DTWD2: variants seen among roughly 807,000 people sequenced by gnomAD.
DTWD2 encodes tRNA-uridine aminocarboxypropyltransferase 2.
A neutral mutation model predicts 31.8 loss-of-function variants in DTWD2; 39 were observed. That is an observed-to-expected ratio of 1.22 (90% CI 0.95 to 1.60). DTWD2 has a LOEUF of 1.60. Ranked by LOEUF, DTWD2 falls within the 40% of genes most tolerant of loss-of-function variation. The pLI, the probability that DTWD2 is intolerant of heterozygous loss-of-function variation, is 0.00. For missense variants in DTWD2, 515 were observed against 381.5 expected (o/e 1.35, Z -2.92); for synonymous variants, 180 against 142.8 (o/e 1.26, Z -1.86).
chr5:118,843,252 G>A (rs1421562504), intron 5 of DTWD2, among the ~76,000 whole-genome samples: 2 of 151,510 alleles, frequency 1.3e-5, no homozygotes, highest in Non-Finnish European at 2.9e-5. Flanking sequence ...ACCGCATCCG[G>A]CCCAGAATAG....
chr5:118,967,871 T>C (rs889445600), intron 1 of DTWD2, among the ~76,000 whole-genome samples: 1 of 152,134 alleles, frequency 6.6e-6, no homozygotes, highest in African/African-American at 2.4e-5. Flanking sequence ...GCAGAAACAG[T>C]ATATTTGCAA....
chr5:118,939,247 A>G lies in DTWD2; in HGVS notation c.353T>C (p.Leu118Pro). ...LRTVPLLAAC[L>P]PQDKCKVKIG... is the part of the protein sequence containing the mutation. ...CTTCACTTTACACTTGTCCTGGGGG[A>G]GGCATGCTGCTAGTAGAGGAACTGT... is the stretch of plus-strand genomic sequence containing the variant. Residue 118 changes from leucine to proline, a missense_variant, in exon 3 of 6, where the codon CTC becomes CCC. Transcript: ENST00000510708. The G allele has an allele frequency of 1.2e-6, 2 of 1,601,034 alleles. No individual in the cohort carries two copies. Among genetic ancestry groups the G allele is most frequent in the Non-Finnish European group, 1.7e-6 (2 of 1,173,280 alleles).
chr5:118,933,089 A>G (rs1753962935), intron 3 of DTWD2, among the ~76,000 whole-genome samples: 1 of 152,196 alleles, frequency 6.6e-6, no homozygotes, highest in Admixed American at 6.5e-5. Context: ...AATTCCTTGA[A>G]AAACAAACTA....
rs149463524 is a variant in DTWD2 at position 118,836,475 on chromosome 5, G to C, written c.*4442C>G. On this transcript the variant is annotated 3_prime_UTR_variant, in exon 6 of 6. Transcript: ENST00000510708. ...GCTGGTCTTGAACTCCTGACCTCGTGATCTACCCACCTCGGCCTCCCAAAG... is the reference window on the plus strand; with the variant it reads ...GCTGGTCTTGAACTCCTGACCTCGTCATCTACCCACCTCGGCCTCCCAAAG... 4.2e-3 allele frequency among the ~76,000 whole-genome samples: 643 copies of C among 152,220 alleles called. 8 individuals carry two copies. Among genetic ancestry groups the C allele is most frequent in the East Asian group, 0.029 (150 of 5,176 alleles).
intron 1 of DTWD2, among the ~76,000 whole-genome samples, chr5:118,966,218 C>T (rs1275233261): frequency 6.6e-6 from 1 of 152,172 alleles, no homozygotes; most frequent in Non-Finnish European, 1.5e-5. Context: ...TGGGATTTGG[C>T]CGTTTATCAT....
chr5:118,876,369 G>C (rs1427774690), intron 4 of DTWD2, among the ~76,000 whole-genome samples: 2 of 151,882 alleles, frequency 1.3e-5, no homozygotes, highest in African/African-American at 4.8e-5. Context: ...GCTGAAGGAG[G>C]CTAAGACATG....
In DTWD2 at chr5:118,942,160, G is replaced by C. The variant is rs186455873; in HGVS notation, c.309+2399C>G. On this transcript the variant is annotated intron_variant, in intron 2 of 5. Transcript: ENST00000510708. ...ATCCTTTTATTGGAAATGGTGTGCT[G>C]AAGTTAAGCACAGGCAGCCCAGTAT... Among the ~76,000 whole-genome samples the C allele has an allele frequency of 3.9e-5, 6 of 152,272 alleles. No individual in the cohort carries two copies. The East Asian group carries it at 9.6e-4, about 24-fold the overall frequency.
intron 3 of DTWD2, among the ~76,000 whole-genome samples, chr5:118,933,293 G>A (rs1018535183): frequency 3.3e-5 from 5 of 152,100 alleles, no homozygotes; most frequent in African/African-American, 1.2e-4. Context: ...AAAACAGACA[G>A]AACATTGCCT....
intron 1 of DTWD2, among the ~76,000 whole-genome samples, chr5:118,980,331 T>C (rs1755272925): frequency 6.6e-6 from 1 of 152,138 alleles, no homozygotes; most frequent in South Asian, 2.1e-4. Flanking sequence ...CTGTAGAGCT[T>C]GGAGTGGGAG....
intron 4 of DTWD2, among the ~76,000 whole-genome samples, chr5:118,871,412 T>C (rs182532131): frequency 9.9e-5 from 15 of 152,280 alleles, no homozygotes; most frequent in African/African-American, 3.4e-4. Flanking sequence ...TTTTTCCAGA[T>C]CCATCAGAGG....
At chr5:118,986,317 T>C (rs1392517913) in intron 1 of DTWD2, among the ~76,000 whole-genome samples, 9 of 152,202 alleles carry the variant, frequency 5.9e-5, no homozygotes, top group Non-Finnish European at 1.2e-4. Context: ...TTATAGAATC[T>C]ATATCTTGCA....
intron 4 of DTWD2, among the ~76,000 whole-genome samples, chr5:118,916,501 A>C (rs935403864): frequency 1.3e-5 from 2 of 152,060 alleles, no homozygotes; most frequent in Non-Finnish European, 2.9e-5. Context: ...CCCCATCTCT[A>C]ATAAAAATAC....
chr5:118,852,341 T>C (rs567559593), intron 4 of DTWD2, among the ~76,000 whole-genome samples: 42 of 152,224 alleles, frequency 2.8e-4, no homozygotes, highest in South Asian at 2.5e-3. Context: ...CCTCAGCTTA[T>C]GAAGATAAGA....
intron 4 of DTWD2, among the ~76,000 whole-genome samples, chr5:118,870,931 A>G (rs1176173423): frequency 1.3e-5 from 2 of 149,220 alleles, no homozygotes; most frequent in Admixed American, 6.7e-5. Flanking sequence ...TTATATAATA[A>G]CTTATATAAT....
intron 4 of DTWD2, among the ~76,000 whole-genome samples, chr5:118,921,434 G>A (rs913733124): frequency 7.3e-5 from 11 of 150,812 alleles, no homozygotes; most frequent in Admixed American, 1.3e-4. Context: ...TGGGTGGATC[G>A]CTTTGAGCCT....
At chr5:118,894,652 A>AC (rs1368594295) in intron 4 of DTWD2, among the ~76,000 whole-genome samples, 1 of 152,228 alleles carries the variant, frequency 6.6e-6, no homozygotes, top group Non-Finnish European at 1.5e-5. Context: ...ATTTAACAAC[A>AC]CATTAAAAAG....
Position 118,838,327 on chromosome 5 carries a change from T to C in DTWD2, c.*2590A>G, listed in dbSNP as rs553554023. The C allele has an allele frequency of 1.2e-4, 19 of 152,318 alleles. No individual in the cohort carries two copies. The East Asian group carries it at 3.5e-3, about 28-fold the overall frequency. The allele number at this position is 152,318 out of a possible 1,614,324, so 9.4% of individuals were successfully genotyped here. A position where few individuals can be genotyped will look rare whatever the true frequency, so the allele number is the denominator to read the frequency against. On this transcript the variant is annotated 3_prime_UTR_variant, in exon 6 of 6. Coordinates refer to ENST00000510708, the MANE Select transcript of DTWD2 (RefSeq NM_173666.4). ...CAAAACGATCTACACAACATCAAAGTGCAGATGGGGTACACAAGTAAAACC... is the reference window on the plus strand; with the variant it reads ...CAAAACGATCTACACAACATCAAAGCGCAGATGGGGTACACAAGTAAAACC...
chr5:118,852,780 T>TA (rs1561426549), intron 4 of DTWD2, among the ~76,000 whole-genome samples: 8 of 152,208 alleles, frequency 5.3e-5, no homozygotes, highest in Non-Finnish European at 8.8e-5. Flanking sequence ...GGTACTTGTA[T>TA]GTTGACTGCA....
chr5:118,931,795 A>G (rs1376313553), intron 3 of DTWD2, among the ~76,000 whole-genome samples: 1 of 152,210 alleles, frequency 6.6e-6, no homozygotes, highest in Admixed American at 6.5e-5. Context: ...ATTCTTCTCA[A>G]GTTCACATGA....
Sources: allele counts gnomAD v4.1 joint callset (sites outside exome capture counted in the v4.1 genomes callset), GRCh38; gene constraint gnomAD v4.1.1; transcripts MANE v1.5; gene names NCBI Gene and HGNC (gene_info 2026-07-23, HGNC 2026-07-21).